ITGB5: variants seen among roughly 807,000 people sequenced by gnomAD.
ITGB5 encodes integrin beta-5.
A neutral mutation model predicts 84.8 loss-of-function variants in ITGB5; 38 were observed. The observed-to-expected ratio is 0.45, with a 90% CI of 0.35 to 0.59. ITGB5 has a LOEUF of 0.59. Ranked by LOEUF, ITGB5 falls within the 20% of genes least tolerant of loss-of-function variation. ITGB5 has a pLI of 0.01. For missense variants in ITGB5, 905 were observed against 1,034.5 expected (o/e 0.87, Z 1.72); for synonymous variants, 393 against 414.4 (o/e 0.95, Z 0.63).
At chr3:124,825,143 G>T (rs1244940667) in intron 5 of ITGB5, among the ~76,000 whole-genome samples, 1 of 149,128 alleles carries the variant, frequency 6.7e-6, no homozygotes, top group Non-Finnish European at 1.5e-5. Flanking sequence ...TTTGCAGTGA[G>T]CCAAGATCAT....
upstream of ITGB5, among the ~76,000 whole-genome samples, chr3:124,888,893 G>T (rs1217088264): frequency 6.6e-6 from 1 of 152,162 alleles, no homozygotes; most frequent in Non-Finnish European, 1.5e-5. Flanking sequence ...TAACAAGGTG[G>T]TGCCTCAATG....
At chr3:124,880,902 C>T (rs1402061777) in intron 1 of ITGB5, among the ~76,000 whole-genome samples, 1 of 151,916 alleles carries the variant, frequency 6.6e-6, no homozygotes, top group African/African-American at 2.4e-5. Flanking sequence ...GTACTCCAGC[C>T]TGGGCAACAG....
At position 124,859,375 on chromosome 3, in the gene ITGB5, T is replaced by C; in HGVS notation, c.228A>G (p.Gly76=). The C allele has an allele frequency of 6.2e-7, 1 of 1,613,988 alleles. No homozygotes were observed. The highest frequency in any genetic ancestry group is 8.5e-7 in the Non-Finnish European group (1 of 1,179,970). Residue 76 remains glycine (G), a synonymous_variant, in exon 3 of 15, where the codon GGA becomes GGG. Transcript: ENST00000296181. ...TGCTGGCTGGGCTCTCTATCTCACCTCCACAGCCATTTTTGACAAGGTTTG... is the reference window on the plus strand; with the variant it reads ...TGCTGGCTGGGCTCTCTATCTCACCCCCACAGCCATTTTTGACAAGGTTTG... ...LRANLVKNGC[G]GEIESPASSF... is the part of the protein sequence containing the mutation.
intron 12 of ITGB5, among the ~76,000 whole-genome samples, chr3:124,766,936 G>A (rs975176596): frequency 3.9e-5 from 6 of 152,176 alleles, no homozygotes; most frequent in African/African-American, 1.2e-4. Context: ...TCCCCAGCCT[G>A]GCCCTGAACG....
chr3:124,841,646 A>C (rs2065013436), intron 4 of ITGB5, 95 bp from the exon 5 acceptor site: 2 of 1,218,284 alleles, frequency 1.6e-6, no homozygotes, highest in South Asian at 1.4e-5. Flanking sequence ...GAGAGGCACC[A>C]ATAACTATTT....
intron 5 of ITGB5, among the ~76,000 whole-genome samples, chr3:124,827,440 T>G (rs1169489615): frequency 6.6e-6 from 1 of 152,262 alleles, no homozygotes; most frequent in Non-Finnish European, 1.5e-5. Context: ...CTAATTGATA[T>G]GTGAAGCTAT....
intron 9 of ITGB5, among the ~76,000 whole-genome samples, chr3:124,797,393 G>A (rs568354641): frequency 3.9e-5 from 6 of 151,900 alleles, no homozygotes; most frequent in East Asian, 2.0e-4. Flanking sequence ...CGAGTCCCCC[G>A]TGCCCCAATT....
intron 4 of ITGB5, among the ~76,000 whole-genome samples, 185 bp downstream of exon 4, chr3:124,848,124 G>A (rs2065101720): frequency 6.6e-6 from 1 of 152,120 alleles, no homozygotes; most frequent in Non-Finnish European, 1.5e-5. Context: ...CCTTGTGACA[G>A]TTCACTCACT....
intron 11 of ITGB5, among the ~76,000 whole-genome samples, chr3:124,770,385 C>T (rs150138665): frequency 3.0e-4 from 46 of 152,204 alleles, no homozygotes; most frequent in Middle Eastern, 3.4e-3. Flanking sequence ...GAGGGACAGC[C>T]GCTGTGCCCC....
intron 8 of ITGB5, among the ~76,000 whole-genome samples, chr3:124,813,074 G>C (rs2064530002): frequency 6.6e-6 from 1 of 152,186 alleles, no homozygotes; most frequent in Non-Finnish European, 1.5e-5. Context: ...CAGGTGAAAG[G>C]AGAGCAGAGC....
rs1296753544 is a variant in ITGB5 at position 124,809,004 on chromosome 3, A to G, written c.1263+18T>C. 6.2e-7 allele frequency: 1 copy of G among 1,612,278 alleles called. No homozygotes were observed. Among genetic ancestry groups the G allele is most frequent in the South Asian group, 1.1e-5 (1 of 90,778 alleles). ...CCAATGCTAACAAGAGTTCATACAA[A>G]CTTGGGGTGAGACTTACCGTGTCCC... On this transcript the variant is annotated intron_variant, in intron 9 of 14. Coordinates refer to ENST00000296181, the MANE Select transcript of ITGB5 (RefSeq NM_002213.5).
chr3:124,773,009 C>CATTCTCCTG (rs1369690197), intron 11 of ITGB5, among the ~76,000 whole-genome samples: 2 of 149,840 alleles, frequency 1.3e-5, no homozygotes, highest in Non-Finnish European at 3.0e-5. Flanking sequence ...AGGTTCAAGC[C>CATTCTCCTG]ATTCTCCTGC....
At chr3:124,769,136 G>A (rs1374826543) in intron 11 of ITGB5, 23 bp from the exon 12 acceptor site, 3 of 1,598,278 alleles carry the variant, frequency 1.9e-6, no homozygotes, top group Admixed American at 1.7e-5. Flanking sequence ...GGAGATAAAG[G>A]TGGGTGTCAG....
chr3:124,874,614 G>A (rs1934222985), intron 1 of ITGB5, among the ~76,000 whole-genome samples: 1 of 152,118 alleles, frequency 6.6e-6, no homozygotes, highest in African/African-American at 2.4e-5. Context: ...ATACTACAAA[G>A]CAACTGTAAT....
At chr3:124,826,549 C>A (rs2064786846) in intron 5 of ITGB5, among the ~76,000 whole-genome samples, 1 of 152,180 alleles carries the variant, frequency 6.6e-6, no homozygotes, top group African/African-American at 2.4e-5. Context: ...ATTGCAATCT[C>A]ATAGGTAAGG....
At chr3:124,763,808 T>C in intron 14 of ITGB5, 90 bp from the exon 15 acceptor site, 1 of 738,638 alleles carries the variant, frequency 1.4e-6, no homozygotes, top group Non-Finnish European at 2.4e-6. Context: ...CCTTCCCAGG[T>C]CAGCCCCCTG....
chr3:124,798,850 G>A (rs2064273904), intron 9 of ITGB5, among the ~76,000 whole-genome samples: 1 of 152,244 alleles, frequency 6.6e-6, no homozygotes, highest in Non-Finnish European at 1.5e-5. Context: ...TAGGGACACG[G>A]GGAGAGGGGA....
chr3:124,866,846 G>A (rs2065399032), intron 2 of ITGB5, among the ~76,000 whole-genome samples: 2 of 152,192 alleles, frequency 1.3e-5, no homozygotes, highest in African/African-American at 4.8e-5. Flanking sequence ...TCCCTGCCTG[G>A]GGGATGGAGA....
intron 1 of ITGB5, among the ~76,000 whole-genome samples, chr3:124,875,782 T>A (rs1336689626): frequency 1.3e-5 from 2 of 152,200 alleles, no homozygotes; most frequent in African/African-American, 4.8e-5. Flanking sequence ...GTGGTATTTT[T>A]AAAAAGTGGT....
Sources: allele counts gnomAD v4.1 joint callset (sites outside exome capture counted in the v4.1 genomes callset), GRCh38; gene constraint gnomAD v4.1.1; transcripts MANE v1.5; gene names NCBI Gene and HGNC (gene_info 2026-07-23, HGNC 2026-07-21).